ADARB2: variants seen among roughly 807,000 people sequenced by gnomAD.
The protein encoded by ADARB2 is inactive double-stranded RNA-specific editase B2.
In ADARB2, 25 loss-of-function variants were observed where a neutral mutation model predicts 62.2. The ratio of observed to expected loss-of-function variants is 0.40; its 90% CI spans 0.29 to 0.56. The LOEUF is 0.56. Ranked by LOEUF, ADARB2 falls within the 20% of genes least tolerant of loss-of-function variation. The pLI, the probability that ADARB2 is intolerant of heterozygous loss-of-function variation, is 0.43. For missense variants in ADARB2, 1,071 were observed against 1,077.4 expected, an observed-to-expected ratio of 0.99 and a Z score of 0.08; for synonymous variants, 572 against 500.8, an observed-to-expected ratio of 1.14 and a Z score of -1.90.
chr10:1,512,886 A>G (rs1831956309), intron 1 of ADARB2, among the ~76,000 whole-genome samples: 1 of 152,234 alleles, frequency 6.6e-6, no homozygotes, highest in African/African-American at 2.4e-5. Context: ...CCTTTCGCAC[A>G]GCAGGAAATC....
At chr10:1,380,354 T>A (rs1832472063) in intron 1 of ADARB2, among the ~76,000 whole-genome samples, 1 of 152,234 alleles carries the variant, frequency 6.6e-6, no homozygotes, top group African/African-American at 2.4e-5. Context: ...CTTCCCTCTG[T>A]TTTGGAAGCT....
At chr10:1,682,537 G>T (rs1269962621) in intron 1 of ADARB2, among the ~76,000 whole-genome samples, 1 of 152,128 alleles carries the variant, frequency 6.6e-6, no homozygotes, top group Non-Finnish European at 1.5e-5. Context: ...CATCCCCTCG[G>T]TTGGCCATTC....
chr10:1,274,933 C>G (rs545565467), intron 3 of ADARB2, among the ~76,000 whole-genome samples: 1 of 152,290 alleles, frequency 6.6e-6, no homozygotes, highest in East Asian at 1.9e-4. Context: ...GCAGCTGCGG[C>G]CGGGACACGG....
At chr10:1,313,459 C>T (rs1361025519) in intron 3 of ADARB2, among the ~76,000 whole-genome samples, 1 of 152,176 alleles carries the variant, frequency 6.6e-6, no homozygotes, top group Non-Finnish European at 1.5e-5. Context: ...CTGCCCATTC[C>T]AAAATGTGTC....
intron 1 of ADARB2, among the ~76,000 whole-genome samples, chr10:1,623,390 A>G (rs1024040212): frequency 6.6e-6 from 1 of 152,264 alleles, no homozygotes; most frequent in Non-Finnish European, 1.5e-5. Context: ...CATGAACTGC[A>G]AACTACAGTA....
At chr10:1,636,232 A>G (rs540835008) in intron 1 of ADARB2, among the ~76,000 whole-genome samples, 2 of 152,300 alleles carry the variant, frequency 1.3e-5, no homozygotes, top group East Asian at 1.9e-4. Context: ...AAAAGTACTA[A>G]AGAGCCAGGT....
chr10:1,395,001 C>T, intron 1 of ADARB2: 1 of 454,242 alleles, frequency 2.2e-6, no homozygotes, highest in Admixed American at 2.3e-5. Flanking sequence ...CTCCCTGCAG[C>T]CTCGAACTCC....
chr10:1,499,749 A>G (rs562070067), intron 1 of ADARB2, among the ~76,000 whole-genome samples: 1 of 151,622 alleles, frequency 6.6e-6, no homozygotes, highest in African/African-American at 2.4e-5. Flanking sequence ...CTCACTCATC[A>G]CTCACTTATT....
At chr10:1,489,640 C>T (rs904462083) in intron 1 of ADARB2, among the ~76,000 whole-genome samples, 1 of 152,132 alleles carries the variant, frequency 6.6e-6, no homozygotes, top group Non-Finnish European at 1.5e-5. Context: ...TTTTGAGTAA[C>T]AATTATTAGG....
At chr10:1,402,830 G>T (rs966920113) in intron 1 of ADARB2, among the ~76,000 whole-genome samples, 3 of 152,234 alleles carry the variant, frequency 2.0e-5, no homozygotes, top group African/African-American at 7.2e-5. Flanking sequence ...GCAGTGTCCA[G>T]TGTAAAACAG....
intron 1 of ADARB2, among the ~76,000 whole-genome samples, chr10:1,681,986 G>A (rs1049579449): frequency 1.1e-4 from 17 of 152,150 alleles, no homozygotes; most frequent in East Asian, 7.7e-4. Context: ...CCCGAGCTTC[G>A]GTGCTGTCAG....
intron 1 of ADARB2, among the ~76,000 whole-genome samples, chr10:1,456,888 A>G (rs1454461147): frequency 2.0e-5 from 3 of 152,080 alleles, no homozygotes; most frequent in South Asian, 2.1e-4. Context: ...TCCCCATCCC[A>G]GGTTCAAGCG....
chr10:1,339,994 C>A (rs1383562745), intron 3 of ADARB2, among the ~76,000 whole-genome samples: 2 of 152,114 alleles, frequency 1.3e-5, no homozygotes, highest in Non-Finnish European at 2.9e-5. Flanking sequence ...CATGCCACAC[C>A]TGTGATTATC....
intron 3 of ADARB2, among the ~76,000 whole-genome samples, chr10:1,339,392 G>C (rs995361852): frequency 2.0e-5 from 3 of 152,252 alleles, no homozygotes; most frequent in Non-Finnish European, 4.4e-5. Context: ...ACTTTTAGGG[G>C]AGGAGTCACT....
intron 7 of ADARB2, among the ~76,000 whole-genome samples, chr10:1,207,429 C>T (rs1837083854): frequency 6.6e-6 from 1 of 151,988 alleles, no homozygotes; most frequent in African/African-American, 2.4e-5. Context: ...TGTTTAAAAG[C>T]AGTTCTGTTA....
chr10:1,398,829 C>T lies in ADARB2; in HGVS notation c.101-19669G>A, dbSNP rs919790238. ...TTGGGAAGAAGAGATTTTCTCCCTC[C>T]GCAGCAGCAGCGCAGCCTGCACGAG... On this transcript the variant is annotated intron_variant, in intron 1 of 9. Transcript: ENST00000381312. This position sits in a 1 kb window ranked among gnomAD's most constrained non-coding sequence, Gnocchi z 4.1. 6.6e-6 allele frequency among the ~76,000 whole-genome samples: 1 copy of T among 152,112 alleles called. No homozygotes were observed. The highest frequency in any genetic ancestry group is 1.5e-5 in the Non-Finnish European group (1 of 68,022).
At chr10:1,721,207 T>C (rs1835088234) in intron 1 of ADARB2, among the ~76,000 whole-genome samples, 1 of 152,150 alleles carries the variant, frequency 6.6e-6, no homozygotes, top group South Asian at 2.1e-4. Flanking sequence ...TTCATCATCA[T>C]CAAAATTATG....
intron 1 of ADARB2, among the ~76,000 whole-genome samples, chr10:1,406,234 G>T (rs912949873): frequency 9.9e-5 from 15 of 152,190 alleles, no homozygotes; most frequent in African/African-American, 3.4e-4. Context: ...TTGCAGGTCT[G>T]GTTAGCCCAG....
chr10:1,647,682 ATGTG>A (rs1042606816), intron 1 of ADARB2, among the ~76,000 whole-genome samples: 5 of 151,830 alleles, frequency 3.3e-5, no homozygotes, highest in Admixed American at 3.3e-4. Context: ...GTGTGTATAC[ATGTG>A]TGTATGTGTG....
Sources: gnomAD v4.1 joint callset for allele counts (sites outside exome capture counted in the v4.1 genomes callset) on GRCh38, gnomAD v4.1.1 for gene constraint, Gnocchi (gnomAD v3.1) non-coding constraint, MANE v1.5 for transcripts, NCBI Gene and HGNC (gene_info 2026-07-23, HGNC 2026-07-21) for gene names.